OR10A6: variants seen among roughly 807,000 people sequenced by gnomAD.
OR10A6 encodes olfactory receptor family 10 subfamily A member 6 (gene/pseudogene), also known as olfactory receptor 10A6.
A neutral mutation model predicts 1.5 loss-of-function variants in OR10A6; 2 were observed. The observed-to-expected ratio is 1.31, with a 90% CI of 0.54 to 4.13. The LOEUF (loss-of-function observed/expected upper bound fraction) is 4.13, where lower values mean the gene tolerates loss of function less well. Among genes scored for constraint, OR10A6 ranks in the 30% most tolerant of loss-of-function variants. The probability of loss-of-function intolerance (pLI) is 0.07; values close to 1 mark genes in which losing one functional copy is unlikely to be tolerated. For synonymous variants in OR10A6, 169 were observed against 137.3 expected, an observed-to-expected ratio of 1.23 and a Z score of -1.61; for missense variants, 492 against 368.6, an observed-to-expected ratio of 1.33 and a Z score of -2.74.
At position 7,927,273 on chromosome 11, in the gene OR10A6, C is replaced by T. The variant is rs1361097824; in HGVS notation, c.*445G>A. 2 of 154,098 alleles carry T rather than the reference C, an allele frequency of 1.3e-5. No individual in the cohort carries two copies. Among genetic ancestry groups the T allele is most frequent in the African/African-American group, 4.8e-5 (2 of 41,460 alleles). The allele number at this position is 154,098 out of a possible 1,614,324, so 9.5% of individuals were successfully genotyped here. ...ATAGTAGAGGGATAGGATGGGTGCT[C>T]AGGTCAGTCTGAAGTTGTTAAAATC... On this transcript the variant is annotated 3_prime_UTR_variant, in exon 4 of 4. Transcript: ENST00000641238.
Position 7,929,962 on chromosome 11 carries a change from G to GTATATATA in OR10A6, c.-1301_-1300insTATATATA, listed in dbSNP as rs1204097102. 173 of 24,788 alleles carry GTATATATA rather than the reference G, an allele frequency of 7.0e-3. 1 individual carries two copies. Among genetic ancestry groups the GTATATATA allele is most frequent in the Non-Finnish European group, 8.2e-3 (120 of 14,548 alleles). The allele number at this position is 24,788 out of a possible 1,614,324, so 1.5% of individuals were successfully genotyped here. A position where few individuals can be genotyped will look rare whatever the true frequency, so the allele number is the denominator to read the frequency against. The stretch of plus-strand genomic sequence containing the variant: ...AAGCTCTAGTAAGGTATGTGTATGT[G>GTATATATA]TATGTATATATATATATATATATAT... On this transcript the variant is annotated 5_prime_UTR_variant, in exon 4 of 4. Coordinates refer to ENST00000641238, the MANE Select transcript of OR10A6 (RefSeq NM_001004461.2).
At position 7,927,639 on chromosome 11, in the gene OR10A6, C is replaced by A; in HGVS notation, c.*79G>T. 1 of 1,011,742 alleles carries A rather than the reference C, an allele frequency of 9.9e-7. No homozygotes were observed. The highest frequency in any genetic ancestry group is 1.8e-5 in the South Asian group (1 of 54,608). 62.7% of individuals were successfully genotyped at this position (1,011,742 alleles called of 1,614,324 possible). A position where few individuals can be genotyped will look rare whatever the true frequency, so the allele number is the denominator to read the frequency against. On this transcript the variant is annotated 3_prime_UTR_variant, in exon 4 of 4. Transcript: ENST00000641238. Reference sequence around the variant, plus strand: ...TCATACTCATGCCAAAAAATGCAAACTTAATGAATCTAAATTTATTAAATT... The same window carrying A: ...TCATACTCATGCCAAAAAATGCAAAATTAATGAATCTAAATTTATTAAATT...
In OR10A6 at chr11:7,928,208, C is replaced by A. The variant is rs1859453712; in HGVS notation, c.455G>T (p.Gly152Val). The A allele has an allele frequency of 6.2e-7, 1 of 1,611,492 alleles. No homozygotes were observed. The highest frequency in any genetic ancestry group is 1.7e-5 in the Admixed American group (1 of 59,674). The change falls in exon 4 of 4, where the codon GGT (glycine) becomes GTT (valine). Residue 152 changes from glycine (G) to valine (V), a missense_variant. By Grantham distance (109) the Gly-to-Val change is moderately radical. Transcript: ENST00000641238. ...MKLIIFSWALGFMLGTVQTSW... is the reference protein window; with the variant it reads ...MKLIIFSWALVFMLGTVQTSW... ...TGTTTGAACAGTACCTAACATAAAA[C>A]CTAAGGCCCATGAAAATATAATTAA...
At position 7,927,431 on chromosome 11, in the gene OR10A6, T is replaced by C. The variant is rs1426671298; in HGVS notation, c.*287A>G. On this transcript the variant is annotated 3_prime_UTR_variant, in exon 4 of 4. Coordinates refer to ENST00000641238, the MANE Select transcript of OR10A6 (RefSeq NM_001004461.2). ...GAATTTATGAATATATAAAAACTGG[T>C]TGTTTTAGTATTATCTATTGTGACA... The C allele has an allele frequency of 9.7e-6, 3 of 309,516 alleles. No homozygotes were observed. Among genetic ancestry groups the C allele is most frequent in the Non-Finnish European group, 1.8e-5 (3 of 170,732 alleles). The allele number at this position is 309,516 out of a possible 1,614,324, so 19.2% of individuals were successfully genotyped here.
At position 7,927,989 on chromosome 11, in the gene OR10A6, A is replaced by T; in HGVS notation, c.674T>A (p.Ile225Asn). Residue 225 changes from isoleucine (I) to asparagine (N), a missense_variant, in exon 4 of 4, where the codon ATC becomes AAC. Ile to Asn is a moderately radical substitution (Grantham distance 149, BLOSUM62 -3). Transcript: ENST00000641238. ...LLSYIRVLFA[I>N]LKMPSTTGRQ... ...CCCAGTGGTTGATGGCATCTTCAGG[A>T]TGGCAAACAGAACTCGAATGTAAGA... is the stretch of plus-strand genomic sequence containing the variant. 1 of 1,613,984 alleles carries T rather than the reference A, an allele frequency of 6.2e-7. No individual in the cohort carries two copies. The highest frequency in any genetic ancestry group is 8.5e-7 in the Non-Finnish European group (1 of 1,179,986).
At position 7,925,794 on chromosome 11, in the gene OR10A6, G is replaced by T. The variant is rs892333146; in HGVS notation, c.*1924C>A. ...CAAAGGCTTTTGCTGAGGGCTGTTTGGTGCCCAAATGAAAACAGTATTATA... is the reference window on the plus strand; with the variant it reads ...CAAAGGCTTTTGCTGAGGGCTGTTTTGTGCCCAAATGAAAACAGTATTATA... On this transcript the variant is annotated 3_prime_UTR_variant, in exon 4 of 4. Coordinates refer to ENST00000641238, the MANE Select transcript of OR10A6 (RefSeq NM_001004461.2). 6.6e-6 allele frequency: 1 copy of T among 152,158 alleles called. No individual in the cohort carries two copies. The highest frequency in any genetic ancestry group is 2.4e-5 in the African/African-American group (1 of 41,432). The allele number at this position is 152,158 out of a possible 1,614,324, so 9.4% of individuals were successfully genotyped here. A position where few individuals can be genotyped will look rare whatever the true frequency, so the allele number is the denominator to read the frequency against.
chr11:7,928,525 T>C lies in OR10A6; in HGVS notation c.138A>G (p.Ile46Met), dbSNP rs1173931431. Residue 46 changes from isoleucine (I) to methionine (M), a missense_variant, in exon 4 of 4, where the codon ATA (isoleucine) becomes ATG (methionine). Coordinates refer to ENST00000641238, the MANE Select transcript of OR10A6 (RefSeq NM_001004461.2). ...GGCTCTGGTCTAGGGAGACGATGAC[T>C]ATAATAATGGCATTTCCTATCAGGG... ...LVTLIGNAII[I>M]VIVSLDQSLH... is the part of the protein sequence containing the mutation. 6.2e-7 allele frequency: 1 copy of C among 1,613,766 alleles called. No individual in the cohort carries two copies.
Position 7,928,315 on chromosome 11 carries a change from T to TC in OR10A6, c.347dup (p.Ala117SerfsTer5). ...CAGCAAATCGGTCATAAGCCATTGC[T>TC]CCCAGAAGAAAACATTCAGCCCCAC... On this transcript the variant is annotated frameshift_variant, in exon 4 of 4. Coordinates refer to ENST00000641238, the MANE Select transcript of OR10A6 (RefSeq NM_001004461.2). LOFTEE classifies it low-confidence loss of function (END_TRUNC). The TC allele has an allele frequency of 6.2e-7, 1 of 1,613,946 alleles. No individual in the cohort carries two copies. Among genetic ancestry groups the TC allele is most frequent in the Non-Finnish European group, 8.5e-7 (1 of 1,179,876 alleles).
rs1241662353 is a variant in OR10A6, at chr11:7,924,809, A to T, written c.*2909T>A. On this transcript the variant is annotated 3_prime_UTR_variant, in exon 4 of 4. Transcript: ENST00000641238. ...GTCATGCTTTAACTCTCATTGCAAG[A>T]TAGCTGCACTATCTCTAGCCTCATG... The T allele has an allele frequency of 6.6e-6, 1 of 152,184 alleles. No individual in the cohort carries two copies. Among genetic ancestry groups the T allele is most frequent in the Non-Finnish European group, 1.5e-5 (1 of 68,040 alleles). The allele number at this position is 152,184 out of a possible 1,614,324, so 9.4% of individuals were successfully genotyped here.
At position 7,925,894 on chromosome 11, in the gene OR10A6, C is replaced by T. The variant is rs572106715; in HGVS notation, c.*1824G>A. 6.6e-6 allele frequency: 1 copy of T among 152,300 alleles called. No individual in the cohort carries two copies. The highest frequency in any genetic ancestry group is 2.4e-5 in the African/African-American group (1 of 41,576). 9.4% of individuals were successfully genotyped at this position (152,300 alleles called of 1,614,324 possible). A position where few individuals can be genotyped will look rare whatever the true frequency, so the allele number is the denominator to read the frequency against. On this transcript the variant is annotated 3_prime_UTR_variant, in exon 4 of 4. Coordinates refer to ENST00000641238, the MANE Select transcript of OR10A6 (RefSeq NM_001004461.2). Reference sequence around the variant, plus strand: ...CAGATGGGGTGGGTTCCTGGTGAAACCCCACCTCTAAACAAAAGACAGTTT... The same window carrying T: ...CAGATGGGGTGGGTTCCTGGTGAAATCCCACCTCTAAACAAAAGACAGTTT...
rs1203541967 is a variant in OR10A6, at chr11:7,929,600, G to C, written c.-938C>G. 6.6e-6 allele frequency: 1 copy of C among 151,064 alleles called. No homozygotes were observed. 9.4% of individuals were successfully genotyped at this position (151,064 alleles called of 1,614,324 possible). A position where few individuals can be genotyped will look rare whatever the true frequency, so the allele number is the denominator to read the frequency against. On this transcript the variant is annotated 5_prime_UTR_variant, in exon 4 of 4. Transcript: ENST00000641238. ...ACACATGAATCCAGAGCTCAACAGA[G>C]AGCTAAGCACACTACATAAAATAGC...
chr11:7,929,996 A>ATATATATATATATATATATATATATATG lies in OR10A6; in HGVS notation c.-1335_-1334insCATATATATATATATATATATATATATA, dbSNP rs1339002367. ...TATATATATATATATATATATATAA[A>ATATATATATATATATATATATATATATG]ATCCCTCACTAGAGCTTAGCTCCCA... On this transcript the variant is annotated 5_prime_UTR_variant, in exon 4 of 4. Transcript: ENST00000641238. 4.0e-4 allele frequency: 32 copies of ATATATATATATATATATATATATATATG among 80,108 alleles called. 2 individuals carry two copies. The highest frequency in any genetic ancestry group is 7.9e-4 in the Non-Finnish European group (27 of 34,038). The allele number at this position is 80,108 out of a possible 1,614,324, so 5.0% of individuals were successfully genotyped here. A position where few individuals can be genotyped will look rare whatever the true frequency, so the allele number is the denominator to read the frequency against.
Position 7,926,008 on chromosome 11 carries a change from C to T in OR10A6, c.*1710G>A, listed in dbSNP as rs1859390672. On this transcript the variant is annotated 3_prime_UTR_variant, in exon 4 of 4. Coordinates refer to ENST00000641238, the MANE Select transcript of OR10A6 (RefSeq NM_001004461.2). ...TCACATACTTTCCTCTGATTGTTCC[C>T]CGCTCTTCACCTATTTTACATATAC... is the stretch of plus-strand genomic sequence containing the variant. The T allele has an allele frequency of 6.6e-6, 1 of 152,174 alleles. No homozygotes were observed. Among genetic ancestry groups the T allele is most frequent in the African/African-American group, 2.4e-5 (1 of 41,436 alleles). The allele number at this position is 152,174 out of a possible 1,614,324, so 9.4% of individuals were successfully genotyped here.
rs1859394369 is a variant in OR10A6, at chr11:7,926,134, C to T, written c.*1584G>A. The stretch of plus-strand genomic sequence containing the variant: ...TACCTCACAAACCAGCATGTACTTC[C>T]CATTTTGAGTCCCTAAAAGGTCCTG... On this transcript the variant is annotated 3_prime_UTR_variant, in exon 4 of 4. Coordinates refer to ENST00000641238, the MANE Select transcript of OR10A6 (RefSeq NM_001004461.2). 6.6e-6 allele frequency: 1 copy of T among 152,216 alleles called. No individual in the cohort carries two copies. Among genetic ancestry groups the T allele is most frequent in the Admixed American group, 6.5e-5 (1 of 15,274 alleles). 9.4% of individuals were successfully genotyped at this position (152,216 alleles called of 1,614,324 possible). A position where few individuals can be genotyped will look rare whatever the true frequency, so the allele number is the denominator to read the frequency against.
At position 7,928,727 on chromosome 11, in the gene OR10A6, A is replaced by G. The variant is rs1277376531; in HGVS notation, c.-65T>C. On this transcript the variant is annotated 5_prime_UTR_variant, in exon 4 of 4. An upstream start codon of the reference 5' UTR is lost. Coordinates refer to ENST00000641238, the MANE Select transcript of OR10A6 (RefSeq NM_001004461.2). ...TATATACAGAATAAAGCCACAGTCC[A>G]TTAGCTAAGAGTTCCAGTCTGCATT... is the stretch of plus-strand genomic sequence containing the variant. 3 of 1,198,630 alleles carry G rather than the reference A, an allele frequency of 2.5e-6. No individual in the cohort carries two copies. Among genetic ancestry groups the G allele is most frequent in the Non-Finnish European group, 3.4e-6 (3 of 875,142 alleles). 74.2% of individuals were successfully genotyped at this position (1,198,630 alleles called of 1,614,324 possible). A position where few individuals can be genotyped will look rare whatever the true frequency, so the allele number is the denominator to read the frequency against.
In OR10A6 at chr11:7,927,904, G is replaced by C. The variant is rs1362617164; in HGVS notation, c.759C>G (p.Gly253=). Residue 253 remains glycine (G), a synonymous_variant, in exon 4 of 4, where the codon GGC becomes GGG. Transcript: ENST00000641238. ...GTTGTAAATAAGTCATACTGGCTGT[G>C]CCATAGAATAGGGTCACAGATGTGA... ...AHLTSVTLFY[G]TASMTYLQPK... The C allele has an allele frequency of 1.2e-6, 2 of 1,613,876 alleles. No homozygotes were observed. The highest frequency in any genetic ancestry group is 1.1e-5 in the South Asian group (1 of 91,082).
Position 7,928,153 on chromosome 11 carries a change from G to A in OR10A6, c.510C>T (p.Gly170=), listed in dbSNP as rs1263349534. The stretch of plus-strand genomic sequence containing the variant: ...AAGATATATGGTTAATTTCATTAAG[G>A]CCACAAAAGGGAAAACTAGATACCC... The part of the protein sequence containing the change: ...TSWVSSFPFC[G]LNEINHISCE... Residue 170 remains glycine, a synonymous_variant, in exon 4 of 4, where the codon GGC becomes GGT. Coordinates refer to ENST00000641238, the MANE Select transcript of OR10A6 (RefSeq NM_001004461.2). The A allele has an allele frequency of 2.5e-6, 4 of 1,613,788 alleles. No individual in the cohort carries two copies. The highest frequency in any genetic ancestry group is 1.7e-6 in the Non-Finnish European group (2 of 1,179,872).
intron 3 of OR10A6, 36 bp from the exon 4 acceptor site, chr11:7,930,551 C>G (rs1215874528): frequency 6.6e-6 from 1 of 152,112 alleles, no homozygotes; most frequent in Non-Finnish European, 1.5e-5. Context: ...AGACAAGTTA[C>G]TTTATTTCTG....
rs892333146 is a variant in OR10A6, at chr11:7,925,794, G to A, written c.*1924C>T. The stretch of plus-strand genomic sequence containing the variant: ...CAAAGGCTTTTGCTGAGGGCTGTTT[G>A]GTGCCCAAATGAAAACAGTATTATA... On this transcript the variant is annotated 3_prime_UTR_variant, in exon 4 of 4. Coordinates refer to ENST00000641238, the MANE Select transcript of OR10A6 (RefSeq NM_001004461.2). 1 of 152,158 alleles carries A rather than the reference G, an allele frequency of 6.6e-6. No individual in the cohort carries two copies. The highest frequency in any genetic ancestry group is 1.9e-4 in the East Asian group (1 of 5,194). The allele number at this position is 152,158 out of a possible 1,614,324, so 9.4% of individuals were successfully genotyped here. A position where few individuals can be genotyped will look rare whatever the true frequency, so the allele number is the denominator to read the frequency against.
Sources: allele counts gnomAD v4.1 joint callset, GRCh38; gene constraint gnomAD v4.1.1; transcripts MANE v1.5; gene names NCBI Gene and HGNC (gene_info 2026-07-23, HGNC 2026-07-21).